IL16: variants seen among roughly 807,000 people sequenced by gnomAD.
The protein encoded by IL16 is pro-interleukin-16.
A neutral mutation model predicts 110.1 loss-of-function variants in IL16; 67 were observed. The ratio of observed to expected loss-of-function variants is 0.61; its 90% CI spans 0.50 to 0.75. IL16 has a LOEUF of 0.75. Among genes scored for constraint, IL16 ranks in the 30% least tolerant of loss-of-function variants. The pLI is 0.00. For missense variants in IL16, 1,545 were observed against 1,655.0 expected, an observed-to-expected ratio of 0.93 and a Z score of 1.15; for synonymous variants, 689 against 662.9, an observed-to-expected ratio of 1.04 and a Z score of -0.61.
At chr15:81,265,247 C>T (rs1449769118) in intron 3 of IL16, among the ~76,000 whole-genome samples, 1 of 152,164 alleles carries the variant, frequency 6.6e-6, no homozygotes. Context: ...CCTACTGGGT[C>T]TCGCCTGTTT....
rs190694399 is a variant in IL16, at chr15:81,235,735, G to A, written c.312+10024G>A. Among the ~76,000 whole-genome samples the A allele has an allele frequency of 7.6e-4, 115 of 152,246 alleles. 1 individual carries two copies. The highest frequency in any genetic ancestry group is 3.4e-3 in the Middle Eastern group (1 of 294). ...ACAGAACTGAATGAGACTGGGAACG[G>A]CACATAATAATGGCTCTATAAATGT... On this transcript the variant is annotated intron_variant, in intron 2 of 18. Transcript: ENST00000683961.
intron 2 of IL16, among the ~76,000 whole-genome samples, chr15:81,248,248 CCTAT>C (rs1425099499): frequency 2.6e-5 from 4 of 152,090 alleles, no homozygotes; most frequent in Admixed American, 6.6e-5. Context: ...TATCTACCCA[CCTAT>C]CTGTCTATGT....
intron 2 of IL16, among the ~76,000 whole-genome samples, chr15:81,240,258 G>A (rs774407781): frequency 1.1e-4 from 16 of 152,116 alleles, no homozygotes; most frequent in South Asian, 6.2e-4. Flanking sequence ...ATTGGTGGAC[G>A]TTTGAGATAT....
At chr15:81,202,666 A>T (rs1166315999) in intron 1 of IL16, among the ~76,000 whole-genome samples, 1 of 152,162 alleles carries the variant, frequency 6.6e-6, no homozygotes, top group Non-Finnish European at 1.5e-5. Flanking sequence ...ATCATTTTTT[A>T]TGGCTGCATA....
rs1567053908 is a variant in IL16 at position 81,312,719 on chromosome 15, C to A, written c.*3921C>A. 2 of 152,124 alleles carry A rather than the reference C, an allele frequency of 1.3e-5. No individual in the cohort carries two copies. The highest frequency in any genetic ancestry group is 6.5e-5 in the Admixed American group (1 of 15,268). The allele number at this position is 152,124 out of a possible 1,614,324, so 9.4% of individuals were successfully genotyped here. On this transcript the variant is annotated 3_prime_UTR_variant, in exon 19 of 19. Transcript: ENST00000683961. ...TAAACCATTATTTCCAAGTTGACAC[C>A]TTTTTTAAGGAAAAATAAATATTTT...
At chr15:81,245,333 G>A (rs958019756) in intron 2 of IL16, among the ~76,000 whole-genome samples, 2 of 152,142 alleles carry the variant, frequency 1.3e-5, no homozygotes, top group African/African-American at 2.4e-5. Context: ...GCCACCATTT[G>A]TTACTGCCAG....
chr15:81,214,558 T>TG (rs1896358240), intron 1 of IL16, among the ~76,000 whole-genome samples: 1 of 152,122 alleles, frequency 6.6e-6, no homozygotes, highest in African/African-American at 2.4e-5. Flanking sequence ...AAGATTTTTT[T>TG]TTTGTTTGCA....
In IL16 at chr15:81,311,107, C is replaced by T. The variant is rs1347455862; in HGVS notation, c.*2309C>T. On this transcript the variant is annotated 3_prime_UTR_variant, in exon 19 of 19. Transcript: ENST00000683961. ...GCTCATCCATTTGCGTTCCATGATG[C>T]TGGGATTTACACTTGAGGCTTAGCT... 3 of 152,198 alleles carry T rather than the reference C, an allele frequency of 2.0e-5. No homozygotes were observed. Among genetic ancestry groups the T allele is most frequent in the East Asian group, 1.9e-4 (1 of 5,198 alleles). The allele number at this position is 152,198 out of a possible 1,614,324, so 9.4% of individuals were successfully genotyped here.
chr15:81,280,469 T>C (rs1422186733), intron 8 of IL16, among the ~76,000 whole-genome samples: 3 of 152,208 alleles, frequency 2.0e-5, no homozygotes, highest in Non-Finnish European at 4.4e-5. Context: ...GGAAATCCTT[T>C]ATAGATTTCT....
At chr15:81,257,624 G>T (rs1897995432) in intron 2 of IL16, among the ~76,000 whole-genome samples, 1 of 152,154 alleles carries the variant, frequency 6.6e-6, no homozygotes, top group East Asian at 1.9e-4. Context: ...GCAGGGGCTG[G>T]AGCTGAGGGT....
At chr15:81,204,513 T>A (rs1444295770) in intron 1 of IL16, among the ~76,000 whole-genome samples, 1 of 152,022 alleles carries the variant, frequency 6.6e-6, no homozygotes, top group Non-Finnish European at 1.5e-5. Context: ...ACCTAATTTA[T>A]TGAGAGTTTT....
At chr15:81,253,636 G>A in intron 2 of IL16, among the ~76,000 whole-genome samples, 1 of 152,128 alleles carries the variant, frequency 6.6e-6, no homozygotes, top group Admixed American at 6.5e-5. Context: ...TCCTTTTTGT[G>A]TATGGTGTGA....
intron 1 of IL16, among the ~76,000 whole-genome samples, chr15:81,188,196 GA>G (rs1326723905): frequency 6.6e-6 from 1 of 152,206 alleles, no homozygotes. Flanking sequence ...CTAGCAAGAT[GA>G]ATACAAAAAC....
At chr15:81,239,420 G>A (rs1897276278) in intron 2 of IL16, among the ~76,000 whole-genome samples, 1 of 152,180 alleles carries the variant, frequency 6.6e-6, no homozygotes, top group Non-Finnish European at 1.5e-5. Context: ...GTCTACTGGG[G>A]TGAAAAGACC....
rs1212399610 is a variant in IL16, at chr15:81,204,609, A to G, written c.-102+7457A>G. On this transcript the variant is annotated intron_variant, in intron 1 of 18. Coordinates refer to ENST00000683961, the MANE Select transcript of IL16 (RefSeq NM_172217.5). ...GTGGTTTTTGTCTTTGGTTCTGTTTATATGCTGGATTACGTTTATTGAATG... is the reference window on the plus strand; with the variant it reads ...GTGGTTTTTGTCTTTGGTTCTGTTTGTATGCTGGATTACGTTTATTGAATG... Among the ~76,000 whole-genome samples, 5 of 152,150 alleles carry G rather than the reference A, an allele frequency of 3.3e-5. No individual in the cohort carries two copies. The South Asian group carries it at 1.0e-3, about 32-fold the overall frequency.
intron 11 of IL16, chr15:81,292,120 G>T: frequency 5.4e-6 from 2 of 368,626 alleles, no homozygotes; most frequent in Admixed American, 6.9e-5. Flanking sequence ...CATTAGAGTT[G>T]TCCTATGTTG....
At chr15:81,235,792 G>C (rs377260881) in intron 2 of IL16, among the ~76,000 whole-genome samples, 10 of 152,256 alleles carry the variant, frequency 6.6e-5, no homozygotes, top group South Asian at 4.2e-4. Flanking sequence ...ACCCATAAAA[G>C]GGTATAATGA....
intron 6 of IL16, among the ~76,000 whole-genome samples, chr15:81,275,364 GGGGAGGGGA>G (rs1898858523): frequency 3.2e-5 from 2 of 62,716 alleles, no homozygotes; most frequent in African/African-American, 6.6e-5. Flanking sequence ...GGAGGAGGGG[GGGGAGGGGA>G]GGGGAGGGGA....
intron 1 of IL16, among the ~76,000 whole-genome samples, chr15:81,214,860 T>G (rs1014653863): frequency 6.6e-6 from 1 of 152,208 alleles, no homozygotes; most frequent in Non-Finnish European, 1.5e-5. Flanking sequence ...ATTGAGTGGA[T>G]TCAAGGAACC....
Sources: allele counts gnomAD v4.1 joint callset (sites outside exome capture counted in the v4.1 genomes callset), GRCh38; gene constraint gnomAD v4.1.1; transcripts MANE v1.5; gene names NCBI Gene and HGNC (gene_info 2026-07-23, HGNC 2026-07-21).